The following ARAP1 variants were observed in gnomAD, a reference collection of about 807,000 sequenced individuals.
The protein encoded by ARAP1 is ArfGAP with RhoGAP domain, ankyrin repeat and PH domain 1.
A neutral mutation model predicts 172.2 loss-of-function variants in ARAP1; 76 were observed. The observed-to-expected ratio is 0.44, with a 90% CI of 0.37 to 0.53. The LOEUF (loss-of-function observed/expected upper bound fraction) is 0.53, where lower values mean the gene tolerates loss of function less well. Among genes scored for constraint, ARAP1 ranks in the 20% least tolerant of loss-of-function variants. The probability of loss-of-function intolerance (pLI) is 0.00; values close to 1 mark genes in which losing one functional copy is unlikely to be tolerated. For synonymous variants in ARAP1, 804 were observed against 803.3 expected, an observed-to-expected ratio of 1.00 and a Z score of -0.01; for missense variants, 1,686 against 1,977.5, an observed-to-expected ratio of 0.85 and a Z score of 2.80.
intron 1 of ARAP1, among the ~76,000 whole-genome samples, chr11:72,733,367 C>T (rs1857920580): frequency 6.6e-6 from 1 of 152,180 alleles, no homozygotes; most frequent in Non-Finnish European, 1.5e-5. Flanking sequence ...CCCAGGGACA[C>T]AGGACCCTCT....
rs759735831 is a variant in ARAP1, at chr11:72,695,529, C to A, written c.3507+13G>T. 2 of 1,614,032 alleles carry A rather than the reference C, an allele frequency of 1.2e-6. No individual in the cohort carries two copies. Among genetic ancestry groups the A allele is most frequent in the African/African-American group, 1.3e-5 (1 of 74,948 alleles). The stretch of plus-strand genomic sequence containing the variant: ...GGCAGGTCCAAGCCCCCCACCCAGG[C>A]TCCAGCCTTCACCTGGGTCCCACTG... On this transcript the variant is annotated intron_variant, in intron 25 of 34. Transcript: ENST00000393609. This position sits in a 1 kb window ranked among gnomAD's most constrained non-coding sequence, Gnocchi z 4.4.
In ARAP1 at chr11:72,687,552, G is replaced by A. The variant is rs1855744084; in HGVS notation, c.4122-50C>T. 4.3e-6 allele frequency: 7 copies of A among 1,613,814 alleles called. 1 individual carries two copies. The South Asian group carries it at 5.5e-5, about 13-fold the overall frequency. On this transcript the variant is annotated intron_variant, in intron 32 of 34. Transcript: ENST00000393609. ...ATGATGCCAAAGGCCTGACTGAGCA[G>A]GGAACACCGTGTCTGCCTTCCCAGC...
At chr11:72,739,534 C>T (rs1446864172) in intron 1 of ARAP1, among the ~76,000 whole-genome samples, 1 of 152,174 alleles carries the variant, frequency 6.6e-6, no homozygotes, top group African/African-American at 2.4e-5. Context: ...GTATGCAAGG[C>T]AAGTCTGGTT....
chr11:72,742,195 C>T (rs1858219221), intron 1 of ARAP1, among the ~76,000 whole-genome samples: 1 of 152,094 alleles, frequency 6.6e-6, no homozygotes, highest in African/African-American at 2.4e-5. Flanking sequence ...GGGAAGACTC[C>T]CTGACTCAGT....
chr11:72,693,263 C>T lies in ARAP1; in HGVS notation c.3954+62G>A. On this transcript the variant is annotated intron_variant, in intron 29 of 34. Transcript: ENST00000393609. This position sits in a 1 kb window ranked among gnomAD's most constrained non-coding sequence, Gnocchi z 4.6. ...TTTCCACTTGCAGACCAAGGGGAAT[C>T]TCTGAGCACATTCAGGTGTACAGGT... is the stretch of plus-strand genomic sequence containing the variant. The T allele has an allele frequency of 1.3e-6, 2 of 1,579,354 alleles. No homozygotes were observed. The highest frequency in any genetic ancestry group is 1.3e-5 in the African/African-American group (1 of 74,166).
At chr11:72,736,374 C>T (rs903510586) in intron 1 of ARAP1, among the ~76,000 whole-genome samples, 3 of 151,642 alleles carry the variant, frequency 2.0e-5, no homozygotes, top group Non-Finnish European at 4.4e-5. Context: ...TCCCCAGTAG[C>T]GGGGACCACA....
At position 72,699,103 on chromosome 11, in the gene ARAP1, C is replaced by G. The variant is rs758828285; in HGVS notation, c.2443G>C (p.Glu815Gln). 3 of 1,614,132 alleles carry G rather than the reference C, an allele frequency of 1.9e-6. No individual in the cohort carries two copies. The South Asian group carries it at 3.3e-5, about 18-fold the overall frequency. Residue 815 changes from glutamate to glutamine, a missense_variant, in exon 18 of 35, where the codon GAG (glutamate) becomes CAG (glutamine). Glu to Gln is a conservative substitution (Grantham distance 29). Around this residue, in one of 5 missense-constraint regions of ARAP1, gnomAD observed 688 missense variants for 856.9 expected, o/e 0.80. Coordinates refer to ENST00000393609, the MANE Select transcript of ARAP1 (RefSeq NM_001040118.3). The surrounding 1 kb of genome is among the most constrained non-coding windows in gnomAD (Gnocchi z 4.2). ...AVPPPDTHGF[E>Q]HTFEVYTEGE... Reference sequence around the variant, plus strand: ...TCCGTGTACACCTCAAAGGTGTGCTCAAAGCTGCAAATACACAGGCCAGGA... The same window carrying G: ...TCCGTGTACACCTCAAAGGTGTGCTGAAAGCTGCAAATACACAGGCCAGGA...
intron 5 of ARAP1, 80 bp from the exon 6 acceptor site, chr11:72,712,648 G>A (rs777725807): frequency 1.2e-6 from 2 of 1,600,154 alleles, no homozygotes; most frequent in African/African-American, 2.7e-5. Context: ...CGCCCCCTCT[G>A]TCCACACAGC....
chr11:72,750,490 C>T (rs1289655649), intron 1 of ARAP1, among the ~76,000 whole-genome samples: 1 of 152,104 alleles, frequency 6.6e-6, no homozygotes, highest in African/African-American at 2.4e-5. Flanking sequence ...CTCAGACACC[C>T]CCCCAACCCC....
rs765201531 is a variant in ARAP1, at chr11:72,695,409, G to C, written c.3554C>G (p.Ala1185Gly). The C allele has an allele frequency of 1.9e-6, 3 of 1,614,178 alleles. No homozygotes were observed. The highest frequency in any genetic ancestry group is 2.5e-6 in the Non-Finnish European group (3 of 1,180,040). The change falls in exon 26 of 35, where the codon GCA becomes GGA. Residue 1185 changes from alanine to glycine, a missense_variant. Coordinates refer to ENST00000393609, the MANE Select transcript of ARAP1 (RefSeq NM_001040118.3). The surrounding 1 kb of genome is among the most constrained non-coding windows in gnomAD (Gnocchi z 4.4). ...ICTVYLEEKK[A>G]ETEQHIKVPA... ...TACCTTGATATGCTGCTCAGTCTCT[G>C]CCTTCTTCTCTTCCAGATACACTGT...
At position 72,699,600 on chromosome 11, in the gene ARAP1, T is replaced by C; in HGVS notation, c.2303-48A>G. 6.3e-7 allele frequency: 1 copy of C among 1,585,282 alleles called. No homozygotes were observed. The highest frequency in any genetic ancestry group is 8.6e-7 in the Non-Finnish European group (1 of 1,166,394). ...AGCCATCAGGGAGCCCCCCACCACC[T>C]GAAAACCACCTCTGCATCCTCCCGG... On this transcript the variant is annotated intron_variant, in intron 16 of 34. Transcript: ENST00000393609. The surrounding 1 kb of genome is among the most constrained non-coding windows in gnomAD (Gnocchi z 4.2).
intron 22 of ARAP1, 151 bp downstream of exon 22, chr11:72,696,832 T>C: frequency 1.0e-6 from 1 of 994,850 alleles, no homozygotes; most frequent in Non-Finnish European, 1.5e-6. Context: ...CCTGGCTCTG[T>C]ATGGAGCGGC....
chr11:72,702,723 C>T (rs545082755), intron 15 of ARAP1, among the ~76,000 whole-genome samples, 182 bp downstream of exon 15: 1 of 152,318 alleles, frequency 6.6e-6, no homozygotes, highest in Admixed American at 6.5e-5. Context: ...GACACAGACA[C>T]AGAGGAACAT....
At position 72,725,340 on chromosome 11, in the gene ARAP1, CCCA is replaced by C. The variant is rs1182788063; in HGVS notation, c.509+1277_509+1279del. Reference sequence around the variant, plus strand: ...TCTCTTTTTCTCTCTCTCTCTCCCCCCCACAAGCTGATGGGGTTGAAATAGAAA... The same window carrying C: ...TCTCTTTTTCTCTCTCTCTCTCCCCCCAAGCTGATGGGGTTGAAATAGAAA... On this transcript the variant is annotated intron_variant, in intron 3 of 34. Transcript: ENST00000393609. The surrounding 1 kb of genome is among the most constrained non-coding windows in gnomAD (Gnocchi z 4.3). Among the ~76,000 whole-genome samples, 7 of 150,890 alleles carry C rather than the reference CCCA, an allele frequency of 4.6e-5. No homozygotes were observed. The East Asian group carries it at 1.4e-3, about 29-fold the overall frequency.
chr11:72,738,859 C>T (rs1262383593), intron 1 of ARAP1, among the ~76,000 whole-genome samples: 1 of 152,188 alleles, frequency 6.6e-6, no homozygotes, highest in Non-Finnish European at 1.5e-5. Context: ...TCCCACCACA[C>T]ACAGCTCCTA....
At position 72,705,896 on chromosome 11, in the gene ARAP1, GA is replaced by G; in HGVS notation, c.1724-7del. ...GCCCAGGCCACGGTGCTCCCCTGTA[GA>G]CACAGGGCCAGACCCAGAATCACCT... On this transcript the variant is annotated splice_polypyrimidine_tract_variant and splice_region_variant and intron_variant, in intron 12 of 34. Transcript: ENST00000393609. 6.2e-7 allele frequency: 1 copy of G among 1,613,724 alleles called. No individual in the cohort carries two copies. The highest frequency in any genetic ancestry group is 1.1e-5 in the South Asian group (1 of 91,070).
In ARAP1 at chr11:72,697,111, C is replaced by G; in HGVS notation, c.3038G>C (p.Arg1013Pro). 1 of 1,607,786 alleles carries G rather than the reference C, an allele frequency of 6.2e-7. No homozygotes were observed. The highest frequency in any genetic ancestry group is 1.1e-5 in the South Asian group (1 of 91,090). Residue 1013 changes from arginine to proline, a missense_variant, in exon 22 of 35, where the codon CGC becomes CCC. Around this residue, in one of 5 missense-constraint regions of ARAP1, gnomAD observed 274 missense variants for 262.7 expected, o/e 1.04. Coordinates refer to ENST00000393609, the MANE Select transcript of ARAP1 (RefSeq NM_001040118.3). The stretch of plus-strand genomic sequence containing the variant: ...CTCGCCCTCCTTGAGGTGCACAGAG[C>G]GCGCATCCTGCCGCAGGCTCTCCAG... ...RLLESLRQDARSVHLKEGEQH... is the reference protein window; with the variant it reads ...RLLESLRQDAPSVHLKEGEQH...
intron 12 of ARAP1, among the ~76,000 whole-genome samples, 200 bp from the exon 13 acceptor site, chr11:72,706,090 G>A (rs2135529012): frequency 6.6e-6 from 1 of 152,312 alleles, no homozygotes; most frequent in African/African-American, 2.4e-5. Context: ...ATCCTTGCCT[G>A]GGCTCCTGCA....
intron 19 of ARAP1, 62 bp from the exon 20 acceptor site, chr11:72,697,711 C>A: frequency 6.3e-7 from 1 of 1,599,066 alleles, no homozygotes; most frequent in South Asian, 1.1e-5. Context: ...CCTGCTCCCT[C>A]CCTCTGTGAG....
Sources: allele counts gnomAD v4.1 joint callset (sites outside exome capture counted in the v4.1 genomes callset), GRCh38; gene constraint gnomAD v4.1.1; regional missense constraint gnomAD v4.1.1; non-coding constraint Gnocchi (gnomAD v3.1); transcripts MANE v1.5; gene names NCBI Gene and HGNC (gene_info 2026-07-23, HGNC 2026-07-21).